The following NOMO1 variants were observed in gnomAD, a reference collection of about 807,000 sequenced individuals.
NOMO1 encodes the protein nodal modulator 3.
Under a neutral mutation model 133.8 loss-of-function variants are expected in NOMO1, and 40 were observed. The observed-to-expected ratio is 0.30, with a 90% CI of 0.23 to 0.39. The LOEUF is 0.39. Ranked by LOEUF, NOMO1 falls within the 10% of genes least tolerant of loss-of-function variation. The pLI, the probability that NOMO1 is intolerant of heterozygous loss-of-function variation, is 1.00. For synonymous variants in NOMO1, 236 were observed against 570.5 expected, an observed-to-expected ratio of 0.41 and a Z score of 8.36; for missense variants, 462 against 1,419.9, an observed-to-expected ratio of 0.33 and a Z score of 10.84.
Position 14,866,562 on chromosome 16 carries a change from C to G in NOMO1, c.1677C>G (p.Ile559Met), listed in dbSNP as rs772759539. 9.3e-6 allele frequency: 15 copies of G among 1,610,176 alleles called. No individual in the cohort carries two copies. In the South Asian group the frequency reaches 1.6e-4, roughly 18 times the overall value. The part of the protein sequence containing the change: ...NVLPGKYKIS[I>M]MHEDWCWKNK... ...TGGTGTTTGCTTTTGCAGTAAGCAT[C>G]ATGCATGAGGATTGGTGCTGGAAGA... Residue 559 changes from isoleucine to methionine, a missense_variant, in exon 15 of 31, where the codon ATC (isoleucine) becomes ATG (methionine). Coordinates refer to ENST00000287667, the MANE Select transcript of NOMO1 (RefSeq NM_014287.4).
At chr16:14,859,810 G>T (rs1455149378) in intron 11 of NOMO1, among the ~76,000 whole-genome samples, 2 of 152,088 alleles carry the variant, frequency 1.3e-5, no homozygotes, top group African/African-American at 4.8e-5. Context: ...AAGAGATCAG[G>T]GTGCTGCAAG....
In NOMO1 at chr16:14,885,627, A is replaced by G. The variant is rs532364545; in HGVS notation, c.3223-1134A>G. Among the ~76,000 whole-genome samples, 17 of 138,844 alleles carry G rather than the reference A, an allele frequency of 1.2e-4. 1 individual carries two copies. The South Asian group carries it at 4.4e-3, about 36-fold the overall frequency. 91.1% of individuals were successfully genotyped at this position (138,844 alleles called of 152,430 possible). The stretch of plus-strand genomic sequence containing the variant: ...AGGCGTGTGCTTGTAGGGACCAGGC[A>G]GGTAATGTCAGAGAGTGCAGAGGGT... On this transcript the variant is annotated intron_variant, in intron 27 of 30. Transcript: ENST00000287667.
intron 27 of NOMO1, 111 bp downstream of exon 27, chr16:14,884,593 G>A (rs1964294894): frequency 5.2e-6 from 8 of 1,545,212 alleles, no homozygotes; most frequent in Non-Finnish European, 7.1e-6. Flanking sequence ...TGTGACAGGT[G>A]GAGGTGCTCC....
chr16:14,867,715 A>G (rs1964024507), intron 15 of NOMO1, among the ~76,000 whole-genome samples: 1 of 148,408 alleles, frequency 6.7e-6, no homozygotes, highest in Non-Finnish European at 1.5e-5. Flanking sequence ...AAACTAGAAG[A>G]ATTGGAACTG....
intron 29 of NOMO1, among the ~76,000 whole-genome samples, chr16:14,891,903 G>A (rs1322716054): frequency 1.3e-5 from 2 of 152,160 alleles, no homozygotes; most frequent in South Asian, 4.1e-4. Flanking sequence ...CATGACCCAC[G>A]AGGAAACACT....
chr16:14,880,414 G>A (rs1174869341), intron 24 of NOMO1, among the ~76,000 whole-genome samples: 5 of 151,840 alleles, frequency 3.3e-5, no homozygotes, highest in Admixed American at 1.3e-4. Flanking sequence ...TTTTTGAGAC[G>A]GGGTTTCATT....
chr16:14,887,463 CTT>C (rs879561214), intron 28 of NOMO1, among the ~76,000 whole-genome samples: 1 of 145,258 alleles, frequency 6.9e-6, no homozygotes. Context: ...CCGGCTAATT[CTT>C]TTTTTTTTTT....
intron 9 of NOMO1, among the ~76,000 whole-genome samples, chr16:14,855,493 G>A (rs532948366): frequency 1.3e-5 from 2 of 151,928 alleles, no homozygotes; most frequent in African/African-American, 4.8e-5. Flanking sequence ...TGAAAGTACT[G>A]TGTTAAAATC....
chr16:14,859,147 G>C (rs963910657), intron 11 of NOMO1, among the ~76,000 whole-genome samples: 1 of 151,928 alleles, frequency 6.6e-6, no homozygotes, highest in African/African-American at 2.4e-5. Context: ...GCCCAGGGGG[G>C]ACCTAGGGAG....
intron 24 of NOMO1, among the ~76,000 whole-genome samples, chr16:14,880,774 A>T (rs1291869715): frequency 6.6e-6 from 1 of 151,952 alleles, no homozygotes. Context: ...TGCTGAAAAG[A>T]GTATAGTGTA....
chr16:14,868,564 G>A lies in NOMO1; in HGVS notation c.1823G>A (p.Gly608Glu). The A allele has an allele frequency of 6.2e-7, 1 of 1,611,662 alleles. No homozygotes were observed. Among genetic ancestry groups the A allele is most frequent in the Non-Finnish European group, 8.5e-7 (1 of 1,179,700 alleles). Residue 608 changes from glycine to glutamate, a missense_variant, in exon 16 of 31, where the codon GGA becomes GAA. Physicochemically the swap from Gly to Glu is moderately conservative, Grantham distance 98. Transcript: ENST00000287667. The stretch of plus-strand genomic sequence containing the variant: ...CTTCCTTAGGAATTTTATCAGGATG[G>A]AAATGGGCGTGAGAATGTGGGGATT... ...HAITLEFYQD[G>E]NGRENVGIYN...
intron 11 of NOMO1, chr16:14,862,465 C>T (rs1963934555): frequency 6.4e-6 from 1 of 156,506 alleles, no homozygotes; most frequent in African/African-American, 2.4e-5. Context: ...TTTAGCTTTG[C>T]ATTTTTTAAC....
intron 24 of NOMO1, 67 bp from the exon 25 acceptor site, chr16:14,881,477 G>A (rs867732036): frequency 1.9e-5 from 31 of 1,608,228 alleles, no homozygotes; most frequent in South Asian, 3.3e-5. Context: ...GTTGGTAAAC[G>A]GGAAACACTT....
At chr16:14,881,024 AAAAT>A in intron 24 of NOMO1, among the ~76,000 whole-genome samples, 1 of 151,834 alleles carries the variant, frequency 6.6e-6, no homozygotes, top group Non-Finnish European at 1.5e-5. Flanking sequence ...TCTCTACAAA[AAAAT>A]AAAAATACAA....
intron 22 of NOMO1, among the ~76,000 whole-genome samples, chr16:14,877,935 A>G (rs1238365108): frequency 1.5e-5 from 2 of 131,042 alleles, no homozygotes; most frequent in Admixed American, 1.6e-4. Flanking sequence ...AGAGATACAT[A>G]TTTGGGGATA....
At chr16:14,858,714 C>G (rs1023503390) in intron 11 of NOMO1, among the ~76,000 whole-genome samples, 1 of 152,082 alleles carries the variant, frequency 6.6e-6, no homozygotes, top group Non-Finnish European at 1.5e-5. Context: ...CTGGGGCCAA[C>G]GGGCCATGAG....
intron 27 of NOMO1, among the ~76,000 whole-genome samples, chr16:14,885,460 A>G (rs1964309647): frequency 6.6e-6 from 1 of 152,026 alleles, no homozygotes; most frequent in Non-Finnish European, 1.5e-5. Flanking sequence ...TTTATAAAAT[A>G]CCCTGCAGAC....
intron 20 of NOMO1, among the ~76,000 whole-genome samples, chr16:14,875,662 G>C (rs950759990): frequency 6.6e-6 from 1 of 151,966 alleles, no homozygotes; most frequent in African/African-American, 2.4e-5. Flanking sequence ...GAATGATTTA[G>C]ATAAATAAAA....
At chr16:14,882,825 A>C in intron 26 of NOMO1, 148 bp downstream of exon 26, 8 of 1,513,160 alleles carry the variant, frequency 5.3e-6, no homozygotes, top group Non-Finnish European at 7.2e-6. Context: ...TGTCATCTTC[A>C]CAAGCAGCAT....
Sources: allele counts gnomAD v4.1 joint callset (sites outside exome capture counted in the v4.1 genomes callset), GRCh38; gene constraint gnomAD v4.1.1; transcripts MANE v1.5; gene names NCBI Gene and HGNC (gene_info 2026-07-23, HGNC 2026-07-21).